Variants in ANO1 observed in about 807,000 individuals in gnomAD.
ANO1 encodes the protein anoctamin-1.
ANO1 carries 59 observed loss-of-function variants against 124.0 expected under a neutral mutation model. The observed-to-expected ratio is 0.48, with a 90% CI of 0.39 to 0.59. The LOEUF (loss-of-function observed/expected upper bound fraction) is 0.59, where lower values mean the gene tolerates loss of function less well. ANO1 is among the 20% of genes least tolerant of loss of function. The probability of loss-of-function intolerance (pLI) is 0.00; values close to 1 mark genes in which losing one functional copy is unlikely to be tolerated. For synonymous variants in ANO1, 529 were observed against 532.0 expected, an observed-to-expected ratio of 0.99 and a Z score of 0.08; for missense variants, 1,059 against 1,328.0, an observed-to-expected ratio of 0.80 and a Z score of 3.15.
At chr11:69,980,437 G>A in the ANO1 span, among the ~76,000 whole-genome samples, 6 of 151,972 alleles carry the variant, frequency 3.9e-5, no homozygotes, top group African/African-American at 1.2e-4. Context: ...TGGCTAACAC[G>A]GTGAAACCCC....
chr11:70,015,082 G>A (rs1170921357), intron 1 of ANO1: 1 of 151,928 alleles, frequency 6.6e-6, no homozygotes, highest in Non-Finnish European at 1.5e-5. Context: ...TTGTGCCCAG[G>A]GCTCGGCAGG....
At chr11:70,095,409 A>AG (rs887672350) in intron 2 of ANO1, among the ~76,000 whole-genome samples, 1 of 41,260 alleles carries the variant, frequency 2.4e-5, no homozygotes, top group Non-Finnish European at 7.5e-5. Context: ...AAAGAAAGAA[A>AG]GAAAGAAAGA....
At chr11:70,138,994 C>T (rs1049628212) in intron 11 of ANO1, among the ~76,000 whole-genome samples, 2 of 152,030 alleles carry the variant, frequency 1.3e-5, no homozygotes, top group Non-Finnish European at 2.9e-5. Flanking sequence ...CCTGTGTACT[C>T]AATGTTTAGC....
intron 7 of ANO1, among the ~76,000 whole-genome samples, chr11:70,114,855 TG>T (rs2045917883): frequency 6.6e-6 from 1 of 152,172 alleles, no homozygotes; most frequent in Non-Finnish European, 1.5e-5. Flanking sequence ...TAGAGTTGTG[TG>T]TGGGTAAGAG....
At chr11:70,139,577 G>C (rs938028918) in intron 11 of ANO1, among the ~76,000 whole-genome samples, 5 of 152,170 alleles carry the variant, frequency 3.3e-5, no homozygotes, top group African/African-American at 1.2e-4. Flanking sequence ...GCCTACCTCA[G>C]CCTCCCAAAG....
At chr11:70,010,906 A>G (rs1555001002) in intron 1 of ANO1, among the ~76,000 whole-genome samples, 1 of 152,178 alleles carries the variant, frequency 6.6e-6, no homozygotes. Flanking sequence ...TATAGTGGCT[A>G]CTGTTTCCTC....
intron 1 of ANO1, among the ~76,000 whole-genome samples, chr11:70,066,958 G>GC (rs1381846736): frequency 6.6e-6 from 1 of 152,184 alleles, no homozygotes; most frequent in African/African-American, 2.4e-5. Flanking sequence ...TGAAAAAGCA[G>GC]CCCCCCAGCG....
At chr11:69,971,915 C>A in the ANO1 span, among the ~76,000 whole-genome samples, 1 of 152,086 alleles carries the variant, frequency 6.6e-6, no homozygotes, top group Non-Finnish European at 1.5e-5. Flanking sequence ...AAATGACTCC[C>A]ATTGCAAAGA....
intron 1 of ANO1, among the ~76,000 whole-genome samples, chr11:69,995,301 G>A (rs1300062227): frequency 6.6e-6 from 1 of 152,012 alleles, no homozygotes; most frequent in African/African-American, 2.4e-5. Flanking sequence ...CTTTCACCAT[G>A]TTGGCCAGGC....
At chr11:69,985,716 A>G (rs1450662085), upstream of ANO1, among the ~76,000 whole-genome samples, 1 of 152,126 alleles carries the variant, frequency 6.6e-6, no homozygotes, top group African/African-American at 2.4e-5. Context: ...CGCCCCGCGC[A>G]GCGGGAGGCC....
intron 1 of ANO1, among the ~76,000 whole-genome samples, chr11:70,038,721 C>G (rs1857134115): frequency 6.6e-6 from 1 of 152,184 alleles, no homozygotes; most frequent in Non-Finnish European, 1.5e-5. Flanking sequence ...CTCAGCAATG[C>G]AGGGGAGAAG....
At chr11:70,104,790 T>C (rs2135366490) in intron 4 of ANO1, among the ~76,000 whole-genome samples, 1 of 152,072 alleles carries the variant, frequency 6.6e-6, no homozygotes, top group African/African-American at 2.4e-5. Context: ...GGATGGAAGC[T>C]CTGGCGGGCA....
At chr11:69,969,651 C>T in the ANO1 span, among the ~76,000 whole-genome samples, 1 of 152,098 alleles carries the variant, frequency 6.6e-6, no homozygotes, top group Non-Finnish European at 1.5e-5. Flanking sequence ...CTGGGAGCCT[C>T]AAGAGACCCG....
chr11:70,178,395 T>TGC (rs1221076478), intron 22 of ANO1, among the ~76,000 whole-genome samples: 1 of 151,926 alleles, frequency 6.6e-6, no homozygotes, highest in Non-Finnish European at 1.5e-5. Flanking sequence ...AGCAGAAAAA[T>TGC]AAACTGAGGA....
intron 11 of ANO1, among the ~76,000 whole-genome samples, chr11:70,134,745 G>A (rs1386780474): frequency 6.6e-6 from 1 of 152,208 alleles, no homozygotes; most frequent in Non-Finnish European, 1.5e-5. Context: ...AGCACAATGT[G>A]TATCCCACAC....
intron 1 of ANO1, among the ~76,000 whole-genome samples, chr11:70,069,639 A>G (rs1173924674): frequency 1.3e-5 from 2 of 152,202 alleles, no homozygotes; most frequent in African/African-American, 2.4e-5. Context: ...CTGATTTCAG[A>G]TGTAATCATT....
At chr11:70,045,715 T>C (rs1565643) in intron 1 of ANO1, among the ~76,000 whole-genome samples, 96,239 of 151,942 alleles carry the variant, frequency 0.63, 31,013 homozygotes, top group East Asian at 0.91. Context: ...CTTCCCACAA[T>C]ATCCACGTGA....
intron 1 of ANO1, among the ~76,000 whole-genome samples, chr11:70,053,499 T>A (rs1308154079): frequency 6.6e-6 from 1 of 152,216 alleles, no homozygotes; most frequent in Non-Finnish European, 1.5e-5. Context: ...ACCAAGATGA[T>A]CATTTGGGTT....
At chr11:70,167,219 C>T in intron 20 of ANO1, 23 bp from the exon 21 acceptor site, 2 of 1,613,198 alleles carry the variant, frequency 1.2e-6, no homozygotes, top group African/African-American at 2.7e-5. Context: ...GCAAACCTAA[C>T]TGCATGATGT....
Sources: gnomAD v4.1 joint callset for allele counts (sites outside exome capture counted in the v4.1 genomes callset) on GRCh38, gnomAD v4.1.1 for gene constraint, MANE v1.5 for transcripts, NCBI Gene and HGNC (gene_info 2026-07-23, HGNC 2026-07-21) for gene names.